The following SARDH variants were observed in gnomAD, a reference collection of about 807,000 sequenced individuals.
The protein encoded by SARDH is sarcosine dehydrogenase, mitochondrial.
Under a neutral mutation model 109.1 loss-of-function variants are expected in SARDH, and 95 were observed. That is an observed-to-expected ratio of 0.87 (90% CI 0.74 to 1.03). The LOEUF is 1.03. Ranked by LOEUF, SARDH falls within the 50% of genes least tolerant of loss-of-function variation. SARDH has a pLI of 0.00. For synonymous variants in SARDH, 572 were observed against 534.8 expected (o/e 1.07, Z -0.96); for missense variants, 1,267 against 1,287.8 (o/e 0.98, Z 0.25).
chr9:133,728,627 G>A lies in SARDH; in HGVS notation c.915+1138C>T, dbSNP rs1269605277. Among the ~76,000 whole-genome samples, 1 of 152,172 alleles carries A rather than the reference G, an allele frequency of 6.6e-6. No individual in the cohort carries two copies. Among genetic ancestry groups the A allele is most frequent in the Non-Finnish European group, 1.5e-5 (1 of 68,042 alleles). Reference sequence around the variant, plus strand: ...ACCCCATCAGAGCCCTTATCAGCATGTTCTGGAATTGCACATGTACTTGTC... The same window carrying A: ...ACCCCATCAGAGCCCTTATCAGCATATTCTGGAATTGCACATGTACTTGTC... On this transcript the variant is annotated intron_variant, in intron 6 of 20. Transcript: ENST00000439388. This position sits in a 1 kb window ranked among gnomAD's most constrained non-coding sequence, Gnocchi z 5.0.
intron 17 of SARDH, among the ~76,000 whole-genome samples, chr9:133,680,293 T>TG (rs1203793502): frequency 6.7e-6 from 1 of 150,032 alleles, no homozygotes; most frequent in East Asian, 2.0e-4. Flanking sequence ...CACCGAGCCT[T>TG]GGGTAACATG....
intron 8 of SARDH, among the ~76,000 whole-genome samples, chr9:133,716,638 C>T (rs1564286145): frequency 6.6e-6 from 1 of 152,218 alleles, no homozygotes; most frequent in African/African-American, 2.4e-5. Flanking sequence ...GGCTGAGCTG[C>T]GCTGTGGATG....
At position 133,696,179 on chromosome 9, in the gene SARDH, C is replaced by T. The variant is rs555969726; in HGVS notation, c.1807+44G>A. On this transcript the variant is annotated intron_variant, in intron 14 of 20. Coordinates refer to ENST00000439388, the MANE Select transcript of SARDH (RefSeq NM_001134707.2). Reference sequence around the variant, plus strand: ...CTCATCTCAGTGCCTGAGGCTGTGCCCATGGAGTGACAGGAACATGCCCCC... The same window carrying T: ...CTCATCTCAGTGCCTGAGGCTGTGCTCATGGAGTGACAGGAACATGCCCCC... The T allele has an allele frequency of 4.4e-6, 7 of 1,608,636 alleles. No individual in the cohort carries two copies. The East Asian group carries it at 1.3e-4, about 31-fold the overall frequency.
At position 133,737,256 on chromosome 9, in the gene SARDH, C is replaced by T. The variant is rs527827177; in HGVS notation, c.-31+998G>A. ...GTCAGGGCTGCCCCCCATCTCCTGCCCCAGTGCCCCATCCCAAGGGAGGGA... is the reference window on the plus strand; with the variant it reads ...GTCAGGGCTGCCCCCCATCTCCTGCTCCAGTGCCCCATCCCAAGGGAGGGA... On this transcript the variant is annotated intron_variant, in intron 1 of 20. Coordinates refer to ENST00000439388, the MANE Select transcript of SARDH (RefSeq NM_001134707.2). 5.3e-5 allele frequency among the ~76,000 whole-genome samples: 8 copies of T among 152,330 alleles called. No homozygotes were observed. In the South Asian group the frequency reaches 1.7e-3, roughly 32 times the overall value.
intron 8 of SARDH, among the ~76,000 whole-genome samples, chr9:133,715,095 A>G (rs961857029): frequency 2.0e-5 from 3 of 151,922 alleles, no homozygotes; most frequent in Non-Finnish European, 4.4e-5. Context: ...CTGGAATGAG[A>G]GCTCTGCCTG....
At chr9:133,698,930 T>G (rs1831382791) in intron 13 of SARDH, among the ~76,000 whole-genome samples, 1 of 152,138 alleles carries the variant, frequency 6.6e-6, no homozygotes, top group Admixed American at 6.5e-5. Flanking sequence ...CATCAACATT[T>G]TAAAAGCTGC....
intron 20 of SARDH, among the ~76,000 whole-genome samples, chr9:133,664,388 C>T (rs1829987292): frequency 6.6e-6 from 1 of 152,266 alleles, no homozygotes; most frequent in African/African-American, 2.4e-5. Context: ...GGGGGCCAAT[C>T]CGGCTCGAAT....
chr9:133,668,326 T>TCAGC (rs1830156981), intron 19 of SARDH, among the ~76,000 whole-genome samples: 2 of 29,108 alleles, frequency 6.9e-5, no homozygotes, highest in Non-Finnish European at 1.3e-4. Context: ...CCACCCTCCC[T>TCAGC]CTCCCTCTCC....
Position 133,713,086 on chromosome 9 carries a change from C to A in SARDH, c.1189G>T (p.Ala397Ser). 3.1e-6 allele frequency: 5 copies of A among 1,613,426 alleles called. No individual in the cohort carries two copies. The highest frequency in any genetic ancestry group is 4.5e-5 in the East Asian group (2 of 44,876). ...TPDHKPLMGE[A>S]PELRGFFLGC... ...AGGAAGAACCCTCGGAGCTCAGGTG[C>A]CTCCCCCATCAGGGGCTTGTGGTCG... Residue 397 changes from alanine to serine, a missense_variant, in exon 9 of 21, where the codon GCA becomes TCA. Ala to Ser is a moderately conservative substitution (Grantham distance 99). Coordinates refer to ENST00000439388, the MANE Select transcript of SARDH (RefSeq NM_001134707.2).
At chr9:133,711,481 G>C (rs1831916659) in intron 10 of SARDH, among the ~76,000 whole-genome samples, 1 of 152,238 alleles carries the variant, frequency 6.6e-6, no homozygotes, top group Non-Finnish European at 1.5e-5. Flanking sequence ...TTCCTCGCTT[G>C]GGAGAGTGCA....
At chr9:133,723,630 G>T (rs926702390) in intron 6 of SARDH, among the ~76,000 whole-genome samples, 1 of 152,186 alleles carries the variant, frequency 6.6e-6, no homozygotes, top group Non-Finnish European at 1.5e-5. Flanking sequence ...AGGCGTGGTA[G>T]CAGGCACCTG....
downstream of SARDH, among the ~76,000 whole-genome samples, chr9:133,661,818 TGA>T (rs1427789737): frequency 3.9e-5 from 6 of 152,322 alleles, no homozygotes; most frequent in African/African-American, 9.6e-5. Context: ...TCAGAATTCC[TGA>T]GAGGCAGTAC....
At chr9:133,678,223 G>A (rs1830582541) in intron 17 of SARDH, among the ~76,000 whole-genome samples, 1 of 152,156 alleles carries the variant, frequency 6.6e-6, no homozygotes, top group Non-Finnish European at 1.5e-5. Flanking sequence ...CTCCACCACA[G>A]TGGCCAGCAG....
At chr9:133,705,093 A>T in intron 11 of SARDH, 62 bp from the exon 12 acceptor site, 1 of 1,484,218 alleles carries the variant, frequency 6.7e-7, no homozygotes, top group South Asian at 1.2e-5. Context: ...CGCAGGGCAG[A>T]GAGCCACATC....
rs1830876987 is a variant in SARDH at position 133,686,127 on chromosome 9, C to T, written c.2070-841G>A. Reference sequence around the variant, plus strand: ...CACTGGACACTCAGTCCATACTGGACAGTTTGCACAGACTTGCTGGGTCCA... The same window carrying T: ...CACTGGACACTCAGTCCATACTGGATAGTTTGCACAGACTTGCTGGGTCCA... On this transcript the variant is annotated intron_variant, in intron 16 of 20. Transcript: ENST00000439388. This position sits in a 1 kb window ranked among gnomAD's most constrained non-coding sequence, Gnocchi z 4.0. Among the ~76,000 whole-genome samples the T allele has an allele frequency of 6.6e-6, 1 of 152,168 alleles. No individual in the cohort carries two copies. The highest frequency in any genetic ancestry group is 1.5e-5 in the Non-Finnish European group (1 of 68,010).
At chr9:133,684,891 C>A (rs532007787) in intron 17 of SARDH, among the ~76,000 whole-genome samples, 2 of 152,326 alleles carry the variant, frequency 1.3e-5, no homozygotes, top group East Asian at 3.9e-4. Context: ...GGAGGGGATA[C>A]AATAGGTGGC....
intron 6 of SARDH, among the ~76,000 whole-genome samples, chr9:133,729,185 A>G (rs1453998790): frequency 6.6e-6 from 1 of 151,930 alleles, no homozygotes; most frequent in African/African-American, 2.4e-5. Flanking sequence ...TGCATGATGA[A>G]CGGATGGAAA....
rs1830534643 is a variant in SARDH at position 133,676,963 on chromosome 9, A to T, written c.2164-5266T>A. Among the ~76,000 whole-genome samples the T allele has an allele frequency of 5.3e-5, 8 of 152,206 alleles. No individual in the cohort carries two copies. In the South Asian group the frequency reaches 1.7e-3, roughly 32 times the overall value. On this transcript the variant is annotated intron_variant, in intron 17 of 20. Coordinates refer to ENST00000439388, the MANE Select transcript of SARDH (RefSeq NM_001134707.2). ...AGACCAGCCTGGCCAACACAGCGAA[A>T]CCCCATCTCTACTAAAAATACAAAA...
upstream of SARDH, among the ~76,000 whole-genome samples, chr9:133,738,529 T>C (rs1832960201): frequency 6.6e-6 from 1 of 152,162 alleles, no homozygotes; most frequent in African/African-American, 2.4e-5. Context: ...CATGCCCCAT[T>C]ACCCGTAGGC....
Sources: gnomAD v4.1 joint callset for allele counts (sites outside exome capture counted in the v4.1 genomes callset) on GRCh38, gnomAD v4.1.1 for gene constraint, Gnocchi (gnomAD v3.1) non-coding constraint, MANE v1.5 for transcripts, NCBI Gene and HGNC (gene_info 2026-07-23, HGNC 2026-07-21) for gene names.